The following TAFA1 variants were observed in gnomAD, a reference collection of about 807,000 sequenced individuals.
TAFA1 encodes chemokine-like protein TAFA-1.
In TAFA1, 4 loss-of-function variants were observed where a neutral mutation model predicts 18.5. That is an observed-to-expected ratio of 0.22 (90% confidence interval 0.11 to 0.49). The LOEUF (loss-of-function observed/expected upper bound fraction) is 0.49, where lower values mean the gene tolerates loss of function less well. TAFA1 is among the 20% of genes least tolerant of loss of function. The probability of loss-of-function intolerance (pLI) is 0.98; values close to 1 mark genes in which losing one functional copy is unlikely to be tolerated. For synonymous variants in TAFA1, 56 were observed against 55.2 expected (o/e 1.01, Z -0.06); for missense variants, 147 against 169.0 (o/e 0.87, Z 0.72).
rs1553659966 is a variant in TAFA1 at position 68,254,176 on chromosome 3, T to TCTAC, written c.119-163101_119-163100insCCTA. 1.3e-4 allele frequency among the ~76,000 whole-genome samples: 20 copies of TCTAC among 149,840 alleles called. No homozygotes were observed. In the East Asian group the frequency reaches 2.7e-3, roughly 21 times the overall value. ...ATCTATCTGTCTATCTATCTATCTA[T>TCTAC]CTATCTATCTAATCTGTCTATCCAT... On this transcript the variant is annotated intron_variant, in intron 2 of 4. Transcript: ENST00000478136.
At chr3:68,524,792 TCCC>T (rs2073082271) in intron 3 of TAFA1, among the ~76,000 whole-genome samples, 1 of 151,966 alleles carries the variant, frequency 6.6e-6, no homozygotes, top group South Asian at 2.1e-4. Flanking sequence ...TGCCTCAGCC[TCCC>T]GAGTAGCTGG....
At chr3:68,162,919 T>C (rs368718480) in intron 2 of TAFA1, among the ~76,000 whole-genome samples, 2 of 152,352 alleles carry the variant, frequency 1.3e-5, no homozygotes, top group Middle Eastern at 3.4e-3. Context: ...TTTAGTGGCA[T>C]AGACAGGAGG....
At chr3:68,501,027 C>T (rs763327948) in intron 3 of TAFA1, among the ~76,000 whole-genome samples, 27 of 151,786 alleles carry the variant, frequency 1.8e-4, no homozygotes, top group Non-Finnish European at 3.1e-4. Context: ...TGGTGGCAAG[C>T]GCCTATAGTC....
intron 2 of TAFA1, among the ~76,000 whole-genome samples, chr3:68,268,244 G>T (rs1172478062): frequency 2.0e-5 from 3 of 152,112 alleles, no homozygotes; most frequent in Admixed American, 2.0e-4. Context: ...TCTAAAAAAG[G>T]ACAGCTACTT....
chr3:68,113,022 G>T (rs202111192), intron 2 of TAFA1, among the ~76,000 whole-genome samples: 1 of 151,928 alleles, frequency 6.6e-6, no homozygotes, highest in South Asian at 2.1e-4. Context: ...ACTCAATGTC[G>T]TGTATCAGTA....
At chr3:67,999,101 G>T in the TAFA1 span, among the ~76,000 whole-genome samples, 1 of 152,102 alleles carries the variant, frequency 6.6e-6, no homozygotes, top group South Asian at 2.1e-4. Context: ...ACCAGATGTG[G>T]CTATTTAAAT....
intron 2 of TAFA1, among the ~76,000 whole-genome samples, chr3:68,241,556 A>G (rs1379875600): frequency 3.3e-5 from 5 of 152,144 alleles, no homozygotes; most frequent in African/African-American, 1.2e-4. Flanking sequence ...AACTCCAGCT[A>G]AGTGTGCTTT....
intron 3 of TAFA1, among the ~76,000 whole-genome samples, chr3:68,519,695 T>A (rs1431336821): frequency 6.6e-6 from 1 of 152,210 alleles, no homozygotes; most frequent in East Asian, 1.9e-4. Flanking sequence ...TTCTGGGTTG[T>A]ATACTCTTGG....
At chr3:68,417,565 G>A in intron 3 of TAFA1, 145 bp downstream of exon 3, 1 of 753,384 alleles carries the variant, frequency 1.3e-6, no homozygotes, top group Non-Finnish European at 2.1e-6. Flanking sequence ...AGCCTCAGCA[G>A]AGTTTGAATT....
chr3:68,098,659 A>C (rs938254583), intron 2 of TAFA1, among the ~76,000 whole-genome samples: 1 of 152,094 alleles, frequency 6.6e-6, no homozygotes, highest in Non-Finnish European at 1.5e-5. Flanking sequence ...GTGCTATGGT[A>C]GAGGGAGATA....
intron 2 of TAFA1, among the ~76,000 whole-genome samples, chr3:68,238,716 A>G (rs1352694972): frequency 6.6e-6 from 1 of 152,186 alleles, no homozygotes; most frequent in African/African-American, 2.4e-5. Context: ...CTTAACAGAA[A>G]CATGGACATT....
At chr3:68,273,777 T>C (rs1351135136) in intron 2 of TAFA1, among the ~76,000 whole-genome samples, 1 of 152,210 alleles carries the variant, frequency 6.6e-6, no homozygotes, top group African/African-American at 2.4e-5. Flanking sequence ...AATAGTATAA[T>C]GCACAGGAAG....
intron 2 of TAFA1, among the ~76,000 whole-genome samples, chr3:68,341,642 A>G (rs959433962): frequency 6.6e-6 from 1 of 152,210 alleles, no homozygotes; most frequent in African/African-American, 2.4e-5. Flanking sequence ...GAGTTCAACT[A>G]TAAACTACTT....
chr3:68,012,922 T>A (rs1332651551), intron 2 of TAFA1, among the ~76,000 whole-genome samples: 1 of 152,216 alleles, frequency 6.6e-6, no homozygotes, highest in African/African-American at 2.4e-5. Flanking sequence ...CTGTTTGTTA[T>A]GTTCTCCTCC....
chr3:68,051,074 C>T (rs1327485979), intron 2 of TAFA1, among the ~76,000 whole-genome samples: 3 of 150,834 alleles, frequency 2.0e-5, no homozygotes, highest in Non-Finnish European at 4.4e-5. Flanking sequence ...CAACTATATG[C>T]ACACATTTAT....
At position 68,360,524 on chromosome 3, in the gene TAFA1, G is replaced by A. The variant is rs571689108; in HGVS notation, c.119-56756G>A. ...GGAAAAGGGCACAAAGTAGAGTAGCGGCTACTCGGTGGTTATGTCATTTAG... is the reference window on the plus strand; with the variant it reads ...GGAAAAGGGCACAAAGTAGAGTAGCAGCTACTCGGTGGTTATGTCATTTAG... On this transcript the variant is annotated intron_variant, in intron 2 of 4. Transcript: ENST00000478136. Among the ~76,000 whole-genome samples the A allele has an allele frequency of 3.3e-5, 5 of 151,982 alleles. No individual in the cohort carries two copies. In the East Asian group the frequency reaches 9.7e-4, roughly 29 times the overall value.
intron 3 of TAFA1, among the ~76,000 whole-genome samples, chr3:68,524,828 C>G (rs1175057942): frequency 6.6e-6 from 1 of 151,882 alleles, no homozygotes; most frequent in African/African-American, 2.4e-5. Flanking sequence ...CCGCCACCAC[C>G]CCCTGCTAAT....
At chr3:68,435,225 CA>C (rs2071249690) in intron 3 of TAFA1, among the ~76,000 whole-genome samples, 1 of 152,054 alleles carries the variant, frequency 6.6e-6, no homozygotes, top group African/African-American at 2.4e-5. Flanking sequence ...ATGGCATGTG[CA>C]AAAGCCCAGC....
chr3:68,509,551 A>G (rs1458965471), intron 3 of TAFA1, among the ~76,000 whole-genome samples: 1 of 152,174 alleles, frequency 6.6e-6, no homozygotes, highest in Non-Finnish European at 1.5e-5. Flanking sequence ...AAGTGAAAAT[A>G]GATATGCTTA....
Sources: allele counts gnomAD v4.1 joint callset (sites outside exome capture counted in the v4.1 genomes callset), GRCh38; gene constraint gnomAD v4.1.1; transcripts MANE v1.5; gene names NCBI Gene and HGNC (gene_info 2026-07-23, HGNC 2026-07-21).